Variants in SSBP2 observed in about 807,000 individuals in gnomAD.
SSBP2 encodes the protein single-stranded DNA-binding protein 2.
Under a neutral mutation model 61.8 loss-of-function variants are expected in SSBP2, and 17 were observed. That is an observed-to-expected ratio of 0.28 (90% CI 0.19 to 0.41). The LOEUF is 0.41. Ranked by LOEUF, SSBP2 falls within the 10% of genes least tolerant of loss-of-function variation. SSBP2 has a pLI of 1.00. For synonymous variants in SSBP2, 139 were observed against 141.3 expected, an observed-to-expected ratio of 0.98 and a Z score of 0.12; for missense variants, 310 against 458.7, an observed-to-expected ratio of 0.68 and a Z score of 2.96.
intron 1 of SSBP2, among the ~76,000 whole-genome samples, chr5:81,707,990 A>T (rs1328332576): frequency 6.6e-6 from 1 of 152,210 alleles, no homozygotes; most frequent in African/African-American, 2.4e-5. Flanking sequence ...GTTTTTCCTC[A>T]AAAATGAGAG....
At chr5:81,597,227 G>A (rs983213602) in intron 4 of SSBP2, among the ~76,000 whole-genome samples, 1 of 151,968 alleles carries the variant, frequency 6.6e-6, no homozygotes, top group Non-Finnish European at 1.5e-5. Flanking sequence ...CACAAAAGAC[G>A]ACATTTATGC....
intron 1 of SSBP2, among the ~76,000 whole-genome samples, chr5:81,672,996 G>C (rs1050373244): frequency 6.6e-6 from 1 of 150,972 alleles, no homozygotes; most frequent in Non-Finnish European, 1.5e-5. Context: ...TTGCCACCAC[G>C]ATGGCTAATT....
chr5:81,736,532 T>C (rs1393239649), intron 1 of SSBP2, among the ~76,000 whole-genome samples: 1 of 152,208 alleles, frequency 6.6e-6, no homozygotes, highest in Non-Finnish European at 1.5e-5. Flanking sequence ...TTGATGTTTT[T>C]CTCATTAAAT....
In SSBP2 at chr5:81,710,779, G is replaced by C. The variant is rs186703044; in HGVS notation, c.62+40202C>G. ...AGGCACAGATGAATTCTAAAAAGAA[G>C]TGAGATAATATGTTTTAATATAAGG... is the stretch of plus-strand genomic sequence containing the variant. On this transcript the variant is annotated intron_variant, in intron 1 of 16. Transcript: ENST00000320672. The C allele has an allele frequency of 6.9e-6, 3 of 431,840 alleles. No individual in the cohort carries two copies. In the East Asian group the frequency reaches 2.2e-4, roughly 31 times the overall value. 26.8% of individuals were successfully genotyped at this position (431,840 alleles called of 1,614,324 possible).
chr5:81,503,250 C>A (rs1767929593), intron 5 of SSBP2, among the ~76,000 whole-genome samples: 1 of 152,060 alleles, frequency 6.6e-6, no homozygotes, highest in Admixed American at 6.6e-5. Flanking sequence ...GTCAGGAGAT[C>A]AAGACCAACC....
intron 10 of SSBP2, among the ~76,000 whole-genome samples, chr5:81,449,351 C>T (rs1580713181): frequency 6.6e-6 from 1 of 152,252 alleles, no homozygotes; most frequent in East Asian, 1.9e-4. Flanking sequence ...TACGACATTG[C>T]TGTGATAATT....
intron 4 of SSBP2, among the ~76,000 whole-genome samples, chr5:81,525,121 T>C (rs1313115296): frequency 6.6e-6 from 1 of 152,000 alleles, no homozygotes; most frequent in Non-Finnish European, 1.5e-5. Flanking sequence ...ATTTGCTAGA[T>C]TCCCTGACTC....
In SSBP2 at chr5:81,567,970, C is replaced by T. The variant is rs188491132; in HGVS notation, c.282+47503G>A. Among the ~76,000 whole-genome samples the T allele has an allele frequency of 2.9e-3, 440 of 152,276 alleles. 3 individuals carry two copies. The highest frequency in any genetic ancestry group is 0.01 in the African/African-American group (421 of 41,552). On this transcript the variant is annotated intron_variant, in intron 4 of 16. Transcript: ENST00000320672. Reference sequence around the variant, plus strand: ...AATAACTAGCTTGCTTTTGATTTTACAGGCTCATAGGAGGAAGGAACTTGA... The same window carrying T: ...AATAACTAGCTTGCTTTTGATTTTATAGGCTCATAGGAGGAAGGAACTTGA...
At chr5:81,736,000 C>T (rs370303740) in intron 1 of SSBP2, among the ~76,000 whole-genome samples, 8 of 152,120 alleles carry the variant, frequency 5.3e-5, no homozygotes, top group African/African-American at 1.9e-4. Flanking sequence ...AAAACAAACT[C>T]GGATCAAGTC....
intron 5 of SSBP2, among the ~76,000 whole-genome samples, chr5:81,504,468 G>A (rs1015033593): frequency 6.6e-6 from 1 of 152,064 alleles, no homozygotes; most frequent in African/African-American, 2.4e-5. Context: ...CTATCTTACT[G>A]TCCCTAAACA....
chr5:81,469,884 A>G (rs1041697035), intron 8 of SSBP2, among the ~76,000 whole-genome samples: 7 of 151,952 alleles, frequency 4.6e-5, no homozygotes, highest in African/African-American at 1.7e-4. Flanking sequence ...ATACAATTCC[A>G]TCTGGTCTAA....
At chr5:81,593,598 T>C (rs983818226) in intron 4 of SSBP2, among the ~76,000 whole-genome samples, 21 of 152,260 alleles carry the variant, frequency 1.4e-4, no homozygotes, top group Admixed American at 5.2e-4. Context: ...AGAGAAAGGT[T>C]GGGTTACCCA....
chr5:81,741,185 T>C (rs1757000858), intron 1 of SSBP2, among the ~76,000 whole-genome samples: 1 of 152,220 alleles, frequency 6.6e-6, no homozygotes, highest in Non-Finnish European at 1.5e-5. Flanking sequence ...ATATCTACTT[T>C]ACGAAGTTGC....
At chr5:81,474,439 A>G in intron 7 of SSBP2, 57 bp downstream of exon 7, 1 of 1,483,784 alleles carries the variant, frequency 6.7e-7, no homozygotes, top group Non-Finnish European at 9.4e-7. Context: ...CTTAAGAGAT[A>G]AAAGATTTCC....
chr5:81,606,260 A>C (rs530054795), intron 4 of SSBP2, among the ~76,000 whole-genome samples: 2 of 152,306 alleles, frequency 1.3e-5, no homozygotes, highest in Admixed American at 6.5e-5. Flanking sequence ...AATTAGTCTG[A>C]AAGACCCAGC....
At chr5:81,561,407 G>A (rs999213359) in intron 4 of SSBP2, among the ~76,000 whole-genome samples, 11 of 152,028 alleles carry the variant, frequency 7.2e-5, no homozygotes, top group South Asian at 2.1e-4. Flanking sequence ...TACAGTCTGC[G>A]CTTTTGCATT....
chr5:81,556,200 AC>A (rs1488022633), intron 4 of SSBP2, among the ~76,000 whole-genome samples: 1 of 152,128 alleles, frequency 6.6e-6, no homozygotes, highest in Non-Finnish European at 1.5e-5. Context: ...TTATATAGTG[AC>A]CTTTTCCTAC....
intron 6 of SSBP2, among the ~76,000 whole-genome samples, chr5:81,485,194 T>C (rs190548940): frequency 8.5e-4 from 130 of 152,242 alleles, no homozygotes; most frequent in African/African-American, 2.9e-3. Flanking sequence ...CAGTGTAAAA[T>C]TGTATAGTCA....
intron 10 of SSBP2, among the ~76,000 whole-genome samples, chr5:81,450,159 T>A (rs1763674206): frequency 6.6e-6 from 1 of 152,132 alleles, no homozygotes; most frequent in Non-Finnish European, 1.5e-5. Flanking sequence ...GCCCCACAAG[T>A]AGCTGGGACT....
Sources: gnomAD v4.1 joint callset for allele counts (sites outside exome capture counted in the v4.1 genomes callset) on GRCh38, gnomAD v4.1.1 for gene constraint, MANE v1.5 for transcripts, NCBI Gene and HGNC (gene_info 2026-07-23, HGNC 2026-07-21) for gene names.